RSRC1: variants seen among roughly 807,000 people sequenced by gnomAD.
RSRC1 encodes the protein arginine and serine rich coiled-coil 1.
A neutral mutation model predicts 49.1 loss-of-function variants in RSRC1; 39 were observed. The ratio of observed to expected loss-of-function variants is 0.79; its 90% CI spans 0.61 to 1.04. The LOEUF (loss-of-function observed/expected upper bound fraction) is 1.04. RSRC1 is among the 50% of genes least tolerant of loss of function. The pLI is 0.00. For missense variants in RSRC1, 388 were observed against 402.4 expected (o/e 0.96, Z 0.31); for synonymous variants, 143 against 130.8 (o/e 1.09, Z -0.63).
intron 7 of RSRC1, among the ~76,000 whole-genome samples, chr3:158,525,971 CA>C (rs1467849631): frequency 6.6e-6 from 1 of 151,796 alleles, no homozygotes; most frequent in Non-Finnish European, 1.5e-5. Context: ...AGTGGTAACA[CA>C]GAATTAACAT....
chr3:158,145,399 C>T (rs1477470022), intron 3 of RSRC1, among the ~76,000 whole-genome samples: 1 of 152,156 alleles, frequency 6.6e-6, no homozygotes, highest in African/African-American at 2.4e-5. Context: ...ATCCTTTCCC[C>T]ATTTCTTGTT....
chr3:158,435,826 C>A (rs1421646648), intron 6 of RSRC1, among the ~76,000 whole-genome samples: 3 of 151,590 alleles, frequency 2.0e-5, no homozygotes, highest in African/African-American at 7.3e-5. Flanking sequence ...GTTTTAACTT[C>A]TTTTAACTAG....
intron 6 of RSRC1, among the ~76,000 whole-genome samples, chr3:158,457,441 A>C (rs554928519): frequency 6.6e-6 from 1 of 152,272 alleles, no homozygotes; most frequent in East Asian, 1.9e-4. Context: ...TGTGAGTTCA[A>C]CTGTGGATGT....
chr3:158,445,289 T>C (rs1220823714), intron 6 of RSRC1, among the ~76,000 whole-genome samples: 1 of 152,074 alleles, frequency 6.6e-6, no homozygotes, highest in Non-Finnish European at 1.5e-5. Context: ...ATTAAGACAA[T>C]GTGGCACATA....
intron 3 of RSRC1, among the ~76,000 whole-genome samples, chr3:158,165,385 T>C (rs1443932571): frequency 1.3e-5 from 2 of 152,240 alleles, no homozygotes; most frequent in Non-Finnish European, 2.9e-5. Context: ...TGCATCGTTA[T>C]GTATGCACTT....
intron 7 of RSRC1, among the ~76,000 whole-genome samples, chr3:158,527,346 A>T (rs1272626329): frequency 1.3e-5 from 2 of 151,948 alleles, no homozygotes; most frequent in African/African-American, 4.8e-5. Flanking sequence ...TAATGGGATG[A>T]TGCAAGAAGA....
At chr3:158,285,826 T>C (rs919029016) in intron 4 of RSRC1, among the ~76,000 whole-genome samples, 3 of 152,216 alleles carry the variant, frequency 2.0e-5, no homozygotes, top group African/African-American at 7.2e-5. Context: ...TATACAATCA[T>C]GTCATCTGCA....
chr3:158,259,877 G>A (rs994674460), intron 4 of RSRC1, among the ~76,000 whole-genome samples: 2 of 152,134 alleles, frequency 1.3e-5, no homozygotes, highest in Admixed American at 6.5e-5. Flanking sequence ...GCTGTGGTGA[G>A]TATTGCCTGG....
chr3:158,472,876 G>T (rs1738198516), intron 7 of RSRC1, among the ~76,000 whole-genome samples: 2 of 152,238 alleles, frequency 1.3e-5, no homozygotes, highest in African/African-American at 4.8e-5. Flanking sequence ...TTTGGTTTTT[G>T]TTACCATTGC....
At chr3:158,297,929 G>GTA (rs1354443618) in intron 4 of RSRC1, 110 bp from the exon 5 acceptor site, 2 of 777,272 alleles carry the variant, frequency 2.6e-6, no homozygotes, top group African/African-American at 3.5e-5. Context: ...ATGAACATAA[G>GTA]TAAATACATA....
intron 4 of RSRC1, among the ~76,000 whole-genome samples, chr3:158,279,423 T>C (rs886865830): frequency 6.6e-6 from 1 of 152,230 alleles, no homozygotes; most frequent in Non-Finnish European, 1.5e-5. Flanking sequence ...CATTTAAGAA[T>C]GTAAAAACTG....
chr3:158,376,472 T>C (rs1443319980), intron 6 of RSRC1, among the ~76,000 whole-genome samples: 2 of 151,936 alleles, frequency 1.3e-5, no homozygotes, highest in South Asian at 2.1e-4. Flanking sequence ...CCTGTGTAGT[T>C]CTTTCTCTTG....
At chr3:158,225,783 C>T (rs1722497657) in intron 4 of RSRC1, 1 of 402,812 alleles carries the variant, frequency 2.5e-6, no homozygotes, top group Non-Finnish European at 4.9e-6. Context: ...TTCAGTAGAA[C>T]ATTAATTACC....
At position 158,537,215 on chromosome 3, in the gene RSRC1, C is replaced by T; in HGVS notation, c.759+17C>T. On this transcript the variant is annotated intron_variant, in intron 8 of 9. Coordinates refer to ENST00000611884, the MANE Select transcript of RSRC1 (RefSeq NM_001271838.2). ...GTCAAAAAGGTAAGTTTTTATCCAC[C>T]CATTATGAGTAAACCTTTGGATTCT... 1 of 1,445,664 alleles carries T rather than the reference C, an allele frequency of 6.9e-7. No homozygotes were observed. The highest frequency in any genetic ancestry group is 9.4e-7 in the Non-Finnish European group (1 of 1,058,844). The allele number at this position is 1,445,664 out of a possible 1,614,324, so 89.6% of individuals were successfully genotyped here.
In RSRC1 at chr3:158,164,273, G is replaced by A. The variant is rs974625945; in HGVS notation, c.321-38799G>A. Among the ~76,000 whole-genome samples, 7 of 151,758 alleles carry A rather than the reference G, an allele frequency of 4.6e-5. No homozygotes were observed. The East Asian group carries it at 7.7e-4, about 17-fold the overall frequency. ...AAGCAGGAGACATCTATCATATGTC[G>A]AACTATAGCTTTATTATTAACTGCC... On this transcript the variant is annotated intron_variant, in intron 3 of 9. Transcript: ENST00000611884.
intron 7 of RSRC1, among the ~76,000 whole-genome samples, chr3:158,524,275 C>T (rs1711872332): frequency 6.6e-6 from 1 of 152,010 alleles, no homozygotes; most frequent in South Asian, 2.1e-4. Context: ...TGTTAATTAT[C>T]AGTCCTCTTC....
intron 4 of RSRC1, among the ~76,000 whole-genome samples, chr3:158,247,358 T>G (rs1054172400): frequency 6.6e-6 from 1 of 152,202 alleles, no homozygotes; most frequent in African/African-American, 2.4e-5. Flanking sequence ...TTTTGAATCC[T>G]ACTTCTGTTA....
chr3:158,449,323 A>T (rs1031314672), intron 6 of RSRC1, among the ~76,000 whole-genome samples: 1 of 151,988 alleles, frequency 6.6e-6, no homozygotes, highest in Non-Finnish European at 1.5e-5. Flanking sequence ...TGCTGAAACC[A>T]TTGTACTAGA....
chr3:158,502,361 G>A (rs1378026007), intron 7 of RSRC1, among the ~76,000 whole-genome samples: 1 of 143,584 alleles, frequency 7.0e-6, no homozygotes. Context: ...TCTTTTTGCA[G>A]TGAATTTCCT....
Sources: gnomAD v4.1 joint callset for allele counts (sites outside exome capture counted in the v4.1 genomes callset) on GRCh38, gnomAD v4.1.1 for gene constraint, MANE v1.5 for transcripts, NCBI Gene and HGNC (gene_info 2026-07-23, HGNC 2026-07-21) for gene names.